The following PRKACB variants were observed in gnomAD, a reference collection of about 807,000 sequenced individuals.
The protein encoded by PRKACB is cAMP-dependent protein kinase catalytic subunit beta.
PRKACB carries 16 observed loss-of-function variants against 51.4 expected under a neutral mutation model. That is an observed-to-expected ratio of 0.31 (90% CI 0.21 to 0.47). The LOEUF (loss-of-function observed/expected upper bound fraction) is 0.47, where lower values mean the gene tolerates loss of function less well. Among genes scored for constraint, PRKACB ranks in the 20% least tolerant of loss-of-function variants. PRKACB has a pLI of 1.00. For missense variants in PRKACB, 309 were observed against 464.5 expected (o/e 0.67, Z 3.08); for synonymous variants, 147 against 154.4 (o/e 0.95, Z 0.35).
intron 1 of PRKACB, among the ~76,000 whole-genome samples, chr1:84,160,289 T>A (rs1656018452): frequency 6.6e-6 from 1 of 151,958 alleles, no homozygotes; most frequent in Admixed American, 6.6e-5. Flanking sequence ...TGGTAATTTG[T>A]GCCTAAGAGT....
rs1676701924 is a variant in PRKACB at position 84,236,821 on chromosome 1, G to A, written c.*1516G>A. 1 of 152,474 alleles carries A rather than the reference G, an allele frequency of 6.6e-6. No individual in the cohort carries two copies. The highest frequency in any genetic ancestry group is 1.5e-5 in the Non-Finnish European group (1 of 67,988). 9.4% of individuals were successfully genotyped at this position (152,474 alleles called of 1,614,324 possible). A position where few individuals can be genotyped will look rare whatever the true frequency, so the allele number is the denominator to read the frequency against. On this transcript the variant is annotated 3_prime_UTR_variant, in exon 10 of 10. Coordinates refer to ENST00000370685, the MANE Select transcript of PRKACB (RefSeq NM_182948.4). ...TCTGATTTTATCTCTGCGTTTCAGT[G>A]ACCTACCTTAAAACAACACACGAGA... is the stretch of plus-strand genomic sequence containing the variant.
chr1:84,108,972 T>C lies in PRKACB; in HGVS notation c.46+30601T>C, dbSNP rs1650000061. On this transcript the variant is annotated intron_variant, in intron 1 of 8. Transcript: ENST00000370688. ...ACAGGATTGATTACATTTGCCTCTT[T>C]TATAAATGTAATCACACAACATGTA... Among the ~76,000 whole-genome samples, 4 of 152,056 alleles carry C rather than the reference T, an allele frequency of 2.6e-5. No homozygotes were observed. The South Asian group carries it at 8.3e-4, about 31-fold the overall frequency.
Position 84,202,718 on chromosome 1 carries a change from A to C in PRKACB, c.819A>C (p.Gly273=), listed in dbSNP as rs1314339743. Residue 273 remains glycine (G), a synonymous_variant, in exon 8 of 10, where the codon GGA becomes GGC. Transcript: ENST00000370685. ...AGGCAGTGGATTGGTGGGCATTAGG[A>C]GTGCTAATCTATGAAATGGCAGCTG... ...YNKAVDWWAL[G]VLIYEMAAGY... is the part of the protein sequence containing the mutation. The C allele has an allele frequency of 6.2e-7, 1 of 1,610,230 alleles. No individual in the cohort carries two copies. Among genetic ancestry groups the C allele is most frequent in the Non-Finnish European group, 8.5e-7 (1 of 1,177,160 alleles).
intron 7 of PRKACB, among the ~76,000 whole-genome samples, chr1:84,199,614 C>T (rs560953986): frequency 5.9e-5 from 9 of 152,244 alleles, no homozygotes; most frequent in African/African-American, 2.2e-4. Flanking sequence ...AATGAATAAA[C>T]AAATGCATGT....
At chr1:84,139,736 A>C (rs1653194991), upstream of PRKACB, among the ~76,000 whole-genome samples, 1 of 152,214 alleles carries the variant, frequency 6.6e-6, no homozygotes. Flanking sequence ...AAAGGTGAAG[A>C]AACTGTAGTA....
chr1:84,092,913 TC>T (rs1312438660), intron 1 of PRKACB, among the ~76,000 whole-genome samples: 1 of 151,456 alleles, frequency 6.6e-6, no homozygotes, highest in Non-Finnish European at 1.5e-5. Flanking sequence ...TATTTCCCCA[TC>T]CCTTTTTTTG....
At chr1:84,224,025 C>A (rs917112793) in intron 9 of PRKACB, among the ~76,000 whole-genome samples, 19 of 152,118 alleles carry the variant, frequency 1.2e-4, no homozygotes, top group Admixed American at 5.2e-4. Context: ...GTTTGTTGGG[C>A]AGTTTAGCTT....
At chr1:84,135,319 A>G (rs920383534) in intron 1 of PRKACB, among the ~76,000 whole-genome samples, 1 of 152,208 alleles carries the variant, frequency 6.6e-6, no homozygotes, top group Non-Finnish European at 1.5e-5. Flanking sequence ...AGCCAACTCC[A>G]CTATTATAGT....
chr1:84,225,027 G>GT (rs1674344917), intron 9 of PRKACB, among the ~76,000 whole-genome samples: 1 of 152,160 alleles, frequency 6.6e-6, no homozygotes, highest in African/African-American at 2.4e-5. Context: ...CAGAGTGATA[G>GT]ACAGAGGGGG....
At chr1:84,207,245 G>A (rs566637865) in intron 8 of PRKACB, among the ~76,000 whole-genome samples, 3 of 152,002 alleles carry the variant, frequency 2.0e-5, no homozygotes, top group Admixed American at 6.6e-5. Context: ...AGAATGGGGT[G>A]GATCATAATC....
intron 1 of PRKACB, among the ~76,000 whole-genome samples, chr1:84,090,224 G>C (rs918745777): frequency 1.3e-5 from 2 of 151,914 alleles, no homozygotes; most frequent in African/African-American, 4.8e-5. Context: ...CTCATTCTAA[G>C]TCATGATATT....
intron 1 of PRKACB, among the ~76,000 whole-genome samples, chr1:84,153,143 G>GCA (rs1204614501): frequency 6.6e-6 from 1 of 152,012 alleles, no homozygotes; most frequent in Non-Finnish European, 1.5e-5. Context: ...AGCAGTCAGA[G>GCA]CACACACAAC....
chr1:84,158,281 G>T lies in PRKACB; in HGVS notation c.187+13733G>T, dbSNP rs189570789. 5.9e-5 allele frequency among the ~76,000 whole-genome samples: 9 copies of T among 151,884 alleles called. No homozygotes were observed. The East Asian group carries it at 1.2e-3, about 20-fold the overall frequency. On this transcript the variant is annotated intron_variant, in intron 1 of 9. Transcript: ENST00000370685. Reference sequence around the variant, plus strand: ...TTGAGCTCCTGACCTCAAGTGATCCGCCCGCCTCAGCCTCCCAAGTGCTGA... The same window carrying T: ...TTGAGCTCCTGACCTCAAGTGATCCTCCCGCCTCAGCCTCCCAAGTGCTGA...
At chr1:84,214,341 A>G (rs1558301499) in intron 9 of PRKACB, 24 bp downstream of exon 9, 13 of 1,538,166 alleles carry the variant, frequency 8.5e-6, no homozygotes, top group Admixed American at 2.2e-5. Context: ...TTTTAATTTA[A>G]AAGCTTTTTT....
At chr1:84,191,871 T>A (rs759130988) in intron 5 of PRKACB, among the ~76,000 whole-genome samples, 1 of 152,076 alleles carries the variant, frequency 6.6e-6, no homozygotes, top group African/African-American at 2.4e-5. Flanking sequence ...ACCAATTAAT[T>A]TATCAAAGAT....
chr1:84,155,282 A>G (rs1655350627), intron 1 of PRKACB, among the ~76,000 whole-genome samples: 1 of 152,208 alleles, frequency 6.6e-6, no homozygotes, highest in Non-Finnish European at 1.5e-5. Context: ...TTTTTACAAT[A>G]TCACAAAAAA....
intron 1 of PRKACB, among the ~76,000 whole-genome samples, chr1:84,080,122 A>G (rs1647407850): frequency 1.3e-5 from 2 of 152,216 alleles, no homozygotes; most frequent in African/African-American, 2.4e-5. Context: ...TTGTGTTACA[A>G]AAGAGTGTGC....
At chr1:84,166,516 G>C (rs1657523360) in intron 1 of PRKACB, among the ~76,000 whole-genome samples, 1 of 151,588 alleles carries the variant, frequency 6.6e-6, no homozygotes, top group African/African-American at 2.4e-5. Flanking sequence ...TGATCATATT[G>C]GCTTTCCCTT....
intron 1 of PRKACB, among the ~76,000 whole-genome samples, chr1:84,147,054 T>A (rs963882530): frequency 1.3e-5 from 2 of 152,074 alleles, no homozygotes; most frequent in African/African-American, 2.4e-5. Flanking sequence ...GTTAGCTTTT[T>A]AATCTTCCTT....
Sources: gnomAD v4.1 joint callset for allele counts (sites outside exome capture counted in the v4.1 genomes callset) on GRCh38, gnomAD v4.1.1 for gene constraint, MANE v1.5 for transcripts, NCBI Gene and HGNC (gene_info 2026-07-23, HGNC 2026-07-21) for gene names.